Variants in COL2A1 observed in about 807,000 individuals in gnomAD.
COL2A1 encodes the protein collagen alpha-1(II) chain.
Under a neutral mutation model 204.5 loss-of-function variants are expected in COL2A1, and 28 were observed. That is an observed-to-expected ratio of 0.14 (90% CI 0.10 to 0.19). The LOEUF (loss-of-function observed/expected upper bound fraction) is 0.19. Ranked by LOEUF, COL2A1 falls within the 10% of genes least tolerant of loss-of-function variation. The pLI is 1.00. For missense variants in COL2A1, 1,388 were observed against 2,027.5 expected (o/e 0.68, Z 6.06); for synonymous variants, 708 against 718.7 (o/e 0.99, Z 0.24).
intron 41 of COL2A1, among the ~76,000 whole-genome samples, chr12:47,979,072 C>A (rs1938892884): frequency 6.6e-6 from 1 of 152,028 alleles, no homozygotes; most frequent in South Asian, 2.1e-4. Context: ...TCCAGCCCTG[C>A]CCCTCTGACC....
At chr12:47,999,655 T>TTTTTTTAA in intron 2 of COL2A1, 1 of 185,846 alleles carries the variant, frequency 5.4e-6, no homozygotes, top group Non-Finnish European at 1.1e-5. Flanking sequence ...TTTTTTTTTG[T>TTTTTTTAA]AGAATCACAT....
At chr12:47,989,404 T>A in intron 17 of COL2A1, 123 bp from the exon 18 acceptor site, 1 of 890,850 alleles carries the variant, frequency 1.1e-6, no homozygotes, top group Non-Finnish European at 1.8e-6. Context: ...CCATTGTGGC[T>A]AAAAGGCCTT....
Position 47,978,519 on chromosome 12 carries a change from C to T in COL2A1, c.2895+78G>A, listed in dbSNP as rs945994276. On this transcript the variant is annotated intron_variant, in intron 42 of 53. Coordinates refer to ENST00000380518, the MANE Select transcript of COL2A1 (RefSeq NM_001844.5). This position sits in a 1 kb window ranked among gnomAD's most constrained non-coding sequence, Gnocchi z 5.5. The stretch of plus-strand genomic sequence containing the variant: ...TCCCCACGGCCCCTGCTCCCTCCTA[C>T]CCCATGCTCTGTGAGCTCAGAAGCC... 40 of 1,594,974 alleles carry T rather than the reference C, an allele frequency of 2.5e-5. No individual in the cohort carries two copies. The highest frequency in any genetic ancestry group is 3.3e-5 in the Non-Finnish European group (38 of 1,167,994).
At chr12:47,982,679 G>T in intron 33 of COL2A1, 70 bp from the exon 34 acceptor site, 2 of 1,319,710 alleles carry the variant, frequency 1.5e-6, no homozygotes, top group Non-Finnish European at 2.2e-6. Context: ...CATGGAGCCT[G>T]GGTAACCAGG....
At chr12:47,982,655 C>A in intron 33 of COL2A1, 46 bp from the exon 34 acceptor site, 1 of 1,426,018 alleles carries the variant, frequency 7.0e-7, no homozygotes, top group Non-Finnish European at 9.7e-7. Flanking sequence ...AGCACCTCTC[C>A]CTGAACCCAT....
rs750290991 is a variant in COL2A1, at chr12:47,978,803, C to A, written c.2734-45G>T. On this transcript the variant is annotated intron_variant, in intron 41 of 53. Coordinates refer to ENST00000380518, the MANE Select transcript of COL2A1 (RefSeq NM_001844.5). This position sits in a 1 kb window ranked among gnomAD's most constrained non-coding sequence, Gnocchi z 5.5. Reference sequence around the variant, plus strand: ...GAAGTGAGGACTCATCTCACCCTTCCTCATCCAGGCTGCCAAAGTCACTGT... The same window carrying A: ...GAAGTGAGGACTCATCTCACCCTTCATCATCCAGGCTGCCAAAGTCACTGT... The A allele has an allele frequency of 3.3e-6, 5 of 1,534,532 alleles. No homozygotes were observed. The highest frequency in any genetic ancestry group is 4.3e-6 in the Non-Finnish European group (5 of 1,162,862).
rs1291426479 is a variant in COL2A1, at chr12:47,973,006, G to C, written c.*401C>G. The C allele has an allele frequency of 2.0e-6, 1 of 501,132 alleles. No homozygotes were observed. The highest frequency in any genetic ancestry group is 2.9e-5 in the East Asian group (1 of 34,410). 31.0% of individuals were successfully genotyped at this position (501,132 alleles called of 1,614,324 possible). On this transcript the variant is annotated 3_prime_UTR_variant, in exon 54 of 54. Transcript: ENST00000380518. ...CTTTTCATTTTTAATATCAATTGAT[G>C]TTTTAAAAAATACAGAGGTGTTTGA... is the stretch of plus-strand genomic sequence containing the variant.
chr12:47,995,581 C>T lies in COL2A1; in HGVS notation c.708+129G>A, dbSNP rs1193724208. 12 of 1,019,720 alleles carry T rather than the reference C, an allele frequency of 1.2e-5. No homozygotes were observed. In the East Asian group the frequency reaches 1.2e-4, roughly 10 times the overall value. The allele number at this position is 1,019,720 out of a possible 1,614,324, so 63.2% of individuals were successfully genotyped here. On this transcript the variant is annotated intron_variant, in intron 10 of 53. Transcript: ENST00000380518. ...TCCTCCACAGCTAGGAAGTGACATCCGAATTTCCTTGGGGCCACCGACTGT... is the reference window on the plus strand; with the variant it reads ...TCCTCCACAGCTAGGAAGTGACATCTGAATTTCCTTGGGGCCACCGACTGT...
chr12:47,994,378 G>A (rs1192925272), intron 12 of COL2A1, 46 bp downstream of exon 12: 4 of 1,608,278 alleles, frequency 2.5e-6, no homozygotes, highest in Admixed American at 3.3e-5. Flanking sequence ...CCACAGGGAG[G>A]GAGACGCTAG....
intron 35 of COL2A1, 29 bp from the exon 36 acceptor site, chr12:47,981,858 AG>A (rs1167319375): frequency 6.4e-7 from 1 of 1,553,066 alleles, no homozygotes; most frequent in East Asian, 2.4e-5. Flanking sequence ...GAGGTGAGGG[AG>A]GCAGGCTGAG....
intron 31 of COL2A1, 71 bp downstream of exon 31, chr12:47,983,314 C>T: frequency 4.5e-6 from 7 of 1,565,740 alleles, no homozygotes; most frequent in South Asian, 1.1e-5. Context: ...CCCTCTTGCC[C>T]TTGCCTCCTA....
At chr12:48,005,355 G>A (rs1276400429), upstream of COL2A1, 1 of 152,548 alleles carries the variant, frequency 6.6e-6, no homozygotes, top group Non-Finnish European at 1.5e-5. Flanking sequence ...TCCAGGCTCA[G>A]ACGTGGTGTC....
chr12:47,985,623 G>T (rs1431634175), intron 25 of COL2A1, 36 bp from the exon 26 acceptor site: 20 of 1,612,280 alleles, frequency 1.2e-5, no homozygotes, highest in Admixed American at 1.7e-5. Flanking sequence ...GGGGTCAGGA[G>T]CCGGCCCCAG....
At chr12:47,989,636 C>G (rs1315901023) in intron 17 of COL2A1, 125 bp downstream of exon 17, 1 of 848,280 alleles carries the variant, frequency 1.2e-6, no homozygotes, top group African/African-American at 1.7e-5. Flanking sequence ...TCTTTCCTCC[C>G]CCTTTCCAGT....
chr12:47,986,525 A>C, intron 22 of COL2A1, 82 bp from the exon 23 acceptor site: 3 of 812,020 alleles, frequency 3.7e-6, no homozygotes, highest in South Asian at 2.9e-5. Flanking sequence ...TGAAGGAAGT[A>C]GCCTTGGCAA....
At chr12:47,991,549 T>C (rs1028618468) in intron 16 of COL2A1, among the ~76,000 whole-genome samples, 1 of 151,890 alleles carries the variant, frequency 6.6e-6, no homozygotes, top group Non-Finnish European at 1.5e-5. Flanking sequence ...AGGAGTCTGA[T>C]GGGAGGGGAG....
Position 47,978,881 on chromosome 12 carries a change from A to C in COL2A1, c.2734-123T>G. On this transcript the variant is annotated intron_variant, in intron 41 of 53. Coordinates refer to ENST00000380518, the MANE Select transcript of COL2A1 (RefSeq NM_001844.5). This position sits in a 1 kb window ranked among gnomAD's most constrained non-coding sequence, Gnocchi z 5.5. ...GGGGGCTTCTCTACCTCCCCACACT[A>C]AGGGCAGGCAGCTTAACCCCCCCAA... 1.0e-6 allele frequency: 1 copy of C among 990,066 alleles called. No homozygotes were observed. Among genetic ancestry groups the C allele is most frequent in the Non-Finnish European group, 1.6e-6 (1 of 644,988 alleles). The allele number at this position is 990,066 out of a possible 1,614,324, so 61.3% of individuals were successfully genotyped here.
intron 40 of COL2A1, 73 bp from the exon 41 acceptor site, chr12:47,979,637 G>T (rs1342720302): frequency 1.8e-6 from 1 of 557,070 alleles, no homozygotes; most frequent in Non-Finnish European, 3.5e-6. Flanking sequence ...GGCGGGGGGC[G>T]GGGGTGGTCT....
At chr12:47,974,423 G>A in intron 52 of COL2A1, 92 bp from the exon 53 acceptor site, 1 of 1,529,256 alleles carries the variant, frequency 6.5e-7, no homozygotes, top group Non-Finnish European at 8.9e-7. Context: ...CATGGTTCAA[G>A]GACCTCAAGG....
Sources: gnomAD v4.1 joint callset for allele counts (sites outside exome capture counted in the v4.1 genomes callset) on GRCh38, gnomAD v4.1.1 for gene constraint, Gnocchi (gnomAD v3.1) non-coding constraint, MANE v1.5 for transcripts, NCBI Gene and HGNC (gene_info 2026-07-23, HGNC 2026-07-21) for gene names.